The following LRRC4C variants were observed in gnomAD, a reference collection of about 807,000 sequenced individuals.
The protein encoded by LRRC4C is leucine rich repeat containing 4C, also known as leucine-rich repeat-containing protein 4C.
LRRC4C carries 5 observed loss-of-function variants against 33.6 expected under a neutral mutation model. The observed-to-expected ratio is 0.15, with a 90% CI of 0.08 to 0.31. The LOEUF is 0.31. LRRC4C is among the 10% of genes least tolerant of loss of function. LRRC4C has a pLI of 1.00. For synonymous variants in LRRC4C, 329 were observed against 302.0 expected (o/e 1.09, Z -0.93); for missense variants, 560 against 796.7 (o/e 0.70, Z 3.58).
At chr11:40,524,581 C>T (rs1049243737) in intron 3 of LRRC4C, among the ~76,000 whole-genome samples, 40 of 152,086 alleles carry the variant, frequency 2.6e-4, no homozygotes, top group African/African-American at 9.4e-4. Context: ...ACTGCAATGA[C>T]ATTTTATATT....
At chr11:41,171,785 T>G (rs1944988169) in intron 1 of LRRC4C, among the ~76,000 whole-genome samples, 1 of 152,100 alleles carries the variant, frequency 6.6e-6, no homozygotes, top group Non-Finnish European at 1.5e-5. Flanking sequence ...TACCAAGATT[T>G]AGATTGGTGG....
intron 1 of LRRC4C, among the ~76,000 whole-genome samples, chr11:41,012,427 G>A (rs72888410): frequency 3.4e-3 from 510 of 151,970 alleles, no homozygotes; most frequent in Non-Finnish European, 5.3e-3. Flanking sequence ...TCTTTTTTAT[G>A]GCCAAATAAT....
chr11:40,833,601 T>A (rs1952518584), intron 2 of LRRC4C, among the ~76,000 whole-genome samples: 1 of 152,044 alleles, frequency 6.6e-6, no homozygotes, highest in Middle Eastern at 3.2e-3. Context: ...TCCATATCCA[T>A]TAGCAAAATT....
At chr11:40,649,762 T>C (rs1942676735) in intron 2 of LRRC4C, among the ~76,000 whole-genome samples, 1 of 152,038 alleles carries the variant, frequency 6.6e-6, no homozygotes, top group South Asian at 2.1e-4. Flanking sequence ...AAGACAGGAG[T>C]AAGAAATTAT....
At chr11:41,027,537 C>T (rs1565314393) in intron 1 of LRRC4C, among the ~76,000 whole-genome samples, 1 of 151,688 alleles carries the variant, frequency 6.6e-6, no homozygotes, top group Non-Finnish European at 1.5e-5. Flanking sequence ...GTTAAATCAT[C>T]ACAATAATTT....
intron 5 of LRRC4C, among the ~76,000 whole-genome samples, chr11:40,172,790 T>G (rs1341269949): frequency 6.6e-6 from 1 of 152,130 alleles, no homozygotes; most frequent in Non-Finnish European, 1.5e-5. Flanking sequence ...TAGGTTGAAA[T>G]GTGTGCCCTC....
chr11:40,709,276 G>C (rs111443921), intron 2 of LRRC4C, among the ~76,000 whole-genome samples: 1 of 152,102 alleles, frequency 6.6e-6, no homozygotes, highest in African/African-American at 2.4e-5. Flanking sequence ...TTGCCTGTTA[G>C]TTGATGCAGT....
chr11:40,911,175 G>C (rs1956660974), intron 2 of LRRC4C, among the ~76,000 whole-genome samples: 1 of 152,182 alleles, frequency 6.6e-6, no homozygotes, highest in South Asian at 2.1e-4. Context: ...AAATGTCCCT[G>C]TCTGACAGCT....
chr11:41,301,035 G>T (rs538623826), intron 1 of LRRC4C, among the ~76,000 whole-genome samples: 1 of 152,270 alleles, frequency 6.6e-6, no homozygotes. Flanking sequence ...AACAAAATTA[G>T]AATGTAGTAA....
At chr11:41,408,757 A>AAAAAAAAACAAAC (rs1555167145) in intron 1 of LRRC4C, among the ~76,000 whole-genome samples, 9 of 139,434 alleles carry the variant, frequency 6.5e-5, no homozygotes, top group African/African-American at 2.0e-4. Flanking sequence ...TAAAAAAAAA[A>AAAAAAAAACAAAC]AAAAAAAAAA....
At chr11:41,331,297 A>G (rs1449711995) in intron 1 of LRRC4C, among the ~76,000 whole-genome samples, 1 of 152,118 alleles carries the variant, frequency 6.6e-6, no homozygotes, top group African/African-American at 2.4e-5. Flanking sequence ...TTGTTCTTCA[A>G]CTTTCTGCTG....
chr11:40,203,850 C>T (rs368610444), intron 5 of LRRC4C, among the ~76,000 whole-genome samples: 10 of 152,172 alleles, frequency 6.6e-5, no homozygotes, highest in African/African-American at 1.9e-4. Flanking sequence ...TTGTGAGCTG[C>T]TCCCCATTTC....
intron 2 of LRRC4C, among the ~76,000 whole-genome samples, chr11:40,697,315 T>C (rs930237187): frequency 1.3e-5 from 2 of 152,084 alleles, no homozygotes; most frequent in African/African-American, 4.8e-5. Context: ...AACTGGATCT[T>C]AGGGAGTAAT....
intron 1 of LRRC4C, among the ~76,000 whole-genome samples, chr11:41,138,767 T>C (rs543789483): frequency 6.6e-6 from 1 of 152,320 alleles, no homozygotes; most frequent in Middle Eastern, 3.4e-3. Flanking sequence ...TAAGTTCCAC[T>C]GGGCTCTAAA....
At chr11:41,434,411 G>C (rs1955352746) in intron 1 of LRRC4C, among the ~76,000 whole-genome samples, 1 of 151,956 alleles carries the variant, frequency 6.6e-6, no homozygotes. Flanking sequence ...GACAACCTCA[G>C]ACTTTGATGA....
At chr11:40,497,177 G>A (rs1002612340) in intron 3 of LRRC4C, among the ~76,000 whole-genome samples, 2 of 152,082 alleles carry the variant, frequency 1.3e-5, no homozygotes, top group East Asian at 3.9e-4. Context: ...AGGCAGAGGC[G>A]GGCGGATCAC....
chr11:40,436,632 C>A (rs1268142248), intron 3 of LRRC4C, among the ~76,000 whole-genome samples: 2 of 152,176 alleles, frequency 1.3e-5, no homozygotes, highest in Non-Finnish European at 2.9e-5. Context: ...AGAGCTATTA[C>A]AGACTGAATG....
chr11:40,533,478 G>C (rs1426801138), intron 3 of LRRC4C, among the ~76,000 whole-genome samples: 1 of 74 alleles, frequency 0.014, no homozygotes, highest in East Asian at 0.5. Flanking sequence ...CTCTGATTGA[G>C]TGTGGGGGAG....
intron 5 of LRRC4C, among the ~76,000 whole-genome samples, chr11:40,230,677 G>A (rs756913820): frequency 2.6e-5 from 4 of 152,284 alleles, no homozygotes; most frequent in East Asian, 1.9e-4. Context: ...CCAAAAATCC[G>A]ATGGAAATAG....
Sources: allele counts gnomAD v4.1 joint callset (sites outside exome capture counted in the v4.1 genomes callset), GRCh38; gene constraint gnomAD v4.1.1; transcripts MANE v1.5; gene names NCBI Gene and HGNC (gene_info 2026-07-23, HGNC 2026-07-21).